ANKFN1: variants seen among roughly 807,000 people sequenced by gnomAD.
The protein encoded by ANKFN1 is ankyrin repeat and fibronectin type-III domain-containing protein 1.
A neutral mutation model predicts 108.7 loss-of-function variants in ANKFN1; 74 were observed. The observed-to-expected ratio is 0.68, with a 90% CI of 0.56 to 0.83. The LOEUF is 0.83. ANKFN1 is among the 40% of genes least tolerant of loss of function. The probability of loss-of-function intolerance (pLI) is 0.00; values close to 1 mark genes in which losing one functional copy is unlikely to be tolerated. For synonymous variants in ANKFN1, 547 were observed against 516.2 expected (o/e 1.06, Z -0.81); for missense variants, 1,505 against 1,382.3 (o/e 1.09, Z -1.41).
At chr17:56,500,710 T>C (rs141333557) in intron 20 of ANKFN1, among the ~76,000 whole-genome samples, 244 of 152,276 alleles carry the variant, frequency 1.6e-3, no homozygotes, top group Admixed American at 5.4e-3. Context: ...GTTTAGGGAA[T>C]TGCAAGCAGT....
At chr17:56,072,532 A>G (rs753479174) in intron 4 of ANKFN1, among the ~76,000 whole-genome samples, 7 of 152,154 alleles carry the variant, frequency 4.6e-5, no homozygotes, top group Non-Finnish European at 1.0e-4. Flanking sequence ...GCTACCTCCC[A>G]AAGGTAGCAT....
chr17:56,339,562 G>GT (rs2045908383), intron 4 of ANKFN1, among the ~76,000 whole-genome samples: 1 of 152,048 alleles, frequency 6.6e-6, no homozygotes, highest in Non-Finnish European at 1.5e-5. Flanking sequence ...GCAATATTTG[G>GT]TTTTCTATTC....
At chr17:56,363,584 G>A (rs986834766) in intron 6 of ANKFN1, among the ~76,000 whole-genome samples, 3 of 152,132 alleles carry the variant, frequency 2.0e-5, no homozygotes, top group Non-Finnish European at 4.4e-5. Context: ...TTACCCAAAA[G>A]GTTTGAAATC....
rs11439875 is a variant in ANKFN1, at chr17:56,481,082, C to CAA, written c.2091+285_2091+286dup. On this transcript the variant is annotated intron_variant, in intron 17 of 20. Coordinates refer to ENST00000682825, the MANE Select transcript of ANKFN1 (RefSeq NM_001370326.1). ...CCCCACTGTACTATGGTCTGGTCAG[C>CAA]AAAAAAAAAAAAAAAAAAAAAATCA... is the stretch of plus-strand genomic sequence containing the variant. Among the ~76,000 whole-genome samples the CAA allele has an allele frequency of 7.9e-3, 521 of 65,764 alleles. 7 individuals carry two copies. The highest frequency in any genetic ancestry group is 0.018 in the African/African-American group (393 of 21,984). 43.1% of individuals were successfully genotyped at this position (65,764 alleles called of 152,430 possible). A position where few individuals can be genotyped will look rare whatever the true frequency, so the allele number is the denominator to read the frequency against.
intron 18 of ANKFN1, among the ~76,000 whole-genome samples, chr17:56,488,295 C>T (rs986519072): frequency 2.0e-5 from 3 of 151,954 alleles, no homozygotes; most frequent in African/African-American, 7.3e-5. Context: ...GAAGAGAGAG[C>T]AGAGAGATGA....
chr17:56,350,699 A>G, intron 4 of ANKFN1, 67 bp from the exon 5 acceptor site: 1 of 1,442,468 alleles, frequency 6.9e-7, no homozygotes, highest in Non-Finnish European at 9.7e-7. Context: ...ACTGGAGATG[A>G]TAAAATCATA....
rs8069322 is a variant in ANKFN1, at chr17:56,372,773, G to A, written c.729G>A (p.Lys243=). Residue 243 remains lysine (K), a synonymous_variant, in exon 7 of 21, where the codon AAG becomes AAA. Transcript: ENST00000682825. Reference sequence around the variant, plus strand: ...CTCTGGACAACACAGAGAAAGAGAAGCAGCTGAAAGCTTGGGAGTGGAGGT... The same window carrying A: ...CTCTGGACAACACAGAGAAAGAGAAACAGCTGAAAGCTTGGGAGTGGAGGT... ...GFTLDNTEKE[K]QLKAWEWRYR... 0.72 allele frequency: 1,155,297 copies of A among 1,613,578 alleles called. 420,644 individuals carry two copies. The highest frequency in any genetic ancestry group is 0.94 in the East Asian group (42,039 of 44,848).
At chr17:56,324,956 C>T (rs1426516097) in intron 3 of ANKFN1, among the ~76,000 whole-genome samples, 18 of 152,134 alleles carry the variant, frequency 1.2e-4, no homozygotes, top group Admixed American at 1.2e-3. Context: ...GAGATAATGT[C>T]TCTAGAAAGG....
chr17:56,334,725 A>G (rs2045758943), intron 4 of ANKFN1, among the ~76,000 whole-genome samples: 2 of 152,092 alleles, frequency 1.3e-5, no homozygotes, highest in South Asian at 4.1e-4. Context: ...AAAAGTCAAA[A>G]CATAAATAAA....
chr17:56,405,745 A>G (rs942252064), intron 8 of ANKFN1, among the ~76,000 whole-genome samples: 1 of 152,214 alleles, frequency 6.6e-6, no homozygotes, highest in Admixed American at 6.5e-5. Context: ...TGAATTGTAT[A>G]TGGAAGGACC....
At chr17:56,444,281 A>AT (rs2049208865) in intron 10 of ANKFN1, among the ~76,000 whole-genome samples, 1 of 152,122 alleles carries the variant, frequency 6.6e-6, no homozygotes, top group Non-Finnish European at 1.5e-5. Context: ...AAAATGTGGG[A>AT]TTTTTTTTCA....
At chr17:56,446,178 T>C (rs1053927998) in intron 10 of ANKFN1, among the ~76,000 whole-genome samples, 4 of 152,208 alleles carry the variant, frequency 2.6e-5, no homozygotes, top group Admixed American at 6.5e-5. Context: ...TCGCCTCTGA[T>C]GTAATAGGGC....
chr17:56,279,147 G>C (rs1489223791), intron 3 of ANKFN1, among the ~76,000 whole-genome samples: 1 of 152,132 alleles, frequency 6.6e-6, no homozygotes, highest in Non-Finnish European at 1.5e-5. Context: ...CCTTTGAGGA[G>C]ATTAAAAACT....
chr17:56,089,156 T>A (rs942038350), intron 4 of ANKFN1, among the ~76,000 whole-genome samples: 6 of 151,504 alleles, frequency 4.0e-5, no homozygotes, highest in African/African-American at 1.5e-4. Context: ...AGGAAAGTGT[T>A]CTAGTTATCA....
chr17:56,115,833 C>A (rs1255856438), intron 4 of ANKFN1, among the ~76,000 whole-genome samples: 1 of 152,124 alleles, frequency 6.6e-6, no homozygotes. Context: ...TTAGTTCTAG[C>A]AAGCAGAGTT....
chr17:56,422,471 G>A (rs984295145), intron 8 of ANKFN1, among the ~76,000 whole-genome samples: 3 of 149,546 alleles, frequency 2.0e-5, no homozygotes, highest in African/African-American at 5.0e-5. Flanking sequence ...ACACACACAC[G>A]CACGCATGCA....
At chr17:56,413,377 A>G (rs920641714) in intron 8 of ANKFN1, among the ~76,000 whole-genome samples, 2 of 152,172 alleles carry the variant, frequency 1.3e-5, no homozygotes, top group Non-Finnish European at 2.9e-5. Context: ...AAAAAGGGAC[A>G]GTTTGACTTC....
At chr17:56,169,498 G>A (rs1720737346) in intron 1 of ANKFN1, among the ~76,000 whole-genome samples, 1 of 152,020 alleles carries the variant, frequency 6.6e-6, no homozygotes, top group African/African-American at 2.4e-5. Context: ...TCCAACTTTT[G>A]GCCTCAAGTG....
rs747367415 is a variant in ANKFN1, at chr17:56,127,161, G to A, written c.288+80836G>A. On this transcript the variant is annotated intron_variant, in intron 4 of 12. Coordinates refer to the ANKFN1 transcript ENST00000635860. ...AATCACTCAATTCCTACAGTGCACCGAGCACTTTGCATAAATTATCTTGTT... is the reference window on the plus strand; with the variant it reads ...AATCACTCAATTCCTACAGTGCACCAAGCACTTTGCATAAATTATCTTGTT... Among the ~76,000 whole-genome samples the A allele has an allele frequency of 5.9e-4, 89 of 152,044 alleles. 2 individuals are homozygous for A. Among genetic ancestry groups the A allele is most frequent in the Non-Finnish European group, 1.5e-4 (10 of 68,008 alleles).
Sources: gnomAD v4.1 joint callset for allele counts (sites outside exome capture counted in the v4.1 genomes callset) on GRCh38, gnomAD v4.1.1 for gene constraint, MANE v1.5 for transcripts, NCBI Gene and HGNC (gene_info 2026-07-23, HGNC 2026-07-21) for gene names.